The following PRKCE variants were observed in gnomAD, a reference collection of about 807,000 sequenced individuals.
The protein encoded by PRKCE is protein kinase C epsilon type.
PRKCE carries 16 observed loss-of-function variants against 85.4 expected under a neutral mutation model. The ratio of observed to expected loss-of-function variants is 0.19; its 90% confidence interval spans 0.13 to 0.28. The LOEUF (loss-of-function observed/expected upper bound fraction) is 0.28, where lower values mean the gene tolerates loss of function less well. Among genes scored for constraint, PRKCE ranks in the 10% least tolerant of loss-of-function variants. PRKCE has a pLI of 1.00. For missense variants in PRKCE, 573 were observed against 975.2 expected (o/e 0.59, Z 5.49); for synonymous variants, 388 against 371.5 (o/e 1.04, Z -0.51).
chr2:45,758,177 A>T (rs1684167076), intron 1 of PRKCE, among the ~76,000 whole-genome samples: 1 of 152,218 alleles, frequency 6.6e-6, no homozygotes, highest in Non-Finnish European at 1.5e-5. Flanking sequence ...AAAACTGGGC[A>T]ACCTTTGGGT....
intron 13 of PRKCE, among the ~76,000 whole-genome samples, chr2:46,157,527 C>T (rs1677333812): frequency 6.6e-6 from 1 of 152,158 alleles, no homozygotes. Flanking sequence ...ACCCACCCTG[C>T]AAAGAAGTAT....
intron 1 of PRKCE, among the ~76,000 whole-genome samples, chr2:45,711,604 C>T (rs1679643987): frequency 6.6e-6 from 1 of 152,122 alleles, no homozygotes; most frequent in Non-Finnish European, 1.5e-5. Flanking sequence ...TTGGCTATTA[C>T]TTCTATTATG....
At chr2:45,732,233 G>A (rs113240795) in intron 1 of PRKCE, among the ~76,000 whole-genome samples, 2,645 of 152,208 alleles carry the variant, frequency 0.017, 84 homozygotes, top group African/African-American at 0.061. Flanking sequence ...GCTCCATGTC[G>A]GGAGGCTAGG....
In PRKCE at chr2:46,159,429, T is replaced by C. The variant is rs779761182; in HGVS notation, c.1921-177T>C. Among the ~76,000 whole-genome samples, 49 of 152,330 alleles carry C rather than the reference T, an allele frequency of 3.2e-4. No homozygotes were observed. The highest frequency in any genetic ancestry group is 7.9e-4 in the African/African-American group (33 of 41,576). ...CATGTCTAGAATGGTGTCTGGGACA[T>C]AGTCAATTCTATGTAAGAGTTAAAG... On this transcript the variant is annotated intron_variant, in intron 13 of 14. Coordinates refer to ENST00000306156, the MANE Select transcript of PRKCE (RefSeq NM_005400.3). The surrounding 1 kb of genome is among the most constrained non-coding windows in gnomAD (Gnocchi z 4.1).
At chr2:45,811,912 C>T (rs917474453) in intron 1 of PRKCE, among the ~76,000 whole-genome samples, 1 of 152,188 alleles carries the variant, frequency 6.6e-6, no homozygotes, top group African/African-American at 2.4e-5. Context: ...CATGCGTACA[C>T]ACAGACACAC....
chr2:46,114,169 A>G lies in PRKCE; in HGVS notation c.1592+27807A>G, dbSNP rs566513412. On this transcript the variant is annotated intron_variant, in intron 11 of 14. Coordinates refer to ENST00000306156, the MANE Select transcript of PRKCE (RefSeq NM_005400.3). Reference sequence around the variant, plus strand: ...CCTGCGGTTCTTGGCTCTGCTTCACAGCAGTGGTGGGTATGTCGAGAGGCA... The same window carrying G: ...CCTGCGGTTCTTGGCTCTGCTTCACGGCAGTGGTGGGTATGTCGAGAGGCA... Among the ~76,000 whole-genome samples the G allele has an allele frequency of 2.6e-5, 4 of 152,220 alleles. No individual in the cohort carries two copies. In the East Asian group the frequency reaches 7.8e-4, roughly 30 times the overall value.
intron 1 of PRKCE, among the ~76,000 whole-genome samples, chr2:45,730,151 A>G (rs1681441926): frequency 6.6e-6 from 1 of 152,122 alleles, no homozygotes; most frequent in Non-Finnish European, 1.5e-5. Context: ...GGGACAACAG[A>G]GCACAACACT....
intron 1 of PRKCE, among the ~76,000 whole-genome samples, chr2:45,742,305 T>A (rs1301116331): frequency 2.0e-5 from 3 of 152,070 alleles, no homozygotes; most frequent in Admixed American, 6.5e-5. Flanking sequence ...AAAGGTGGCT[T>A]GCACCTATAA....
intron 11 of PRKCE, among the ~76,000 whole-genome samples, chr2:46,124,713 A>C (rs562857756): frequency 1.4e-4 from 22 of 152,300 alleles, no homozygotes; most frequent in African/African-American, 5.3e-4. Flanking sequence ...GACAAACTAC[A>C]AACTCTTTGA....
intron 2 of PRKCE, among the ~76,000 whole-genome samples, chr2:45,974,469 T>A (rs561773724): frequency 2.6e-5 from 4 of 152,282 alleles, no homozygotes; most frequent in African/African-American, 9.6e-5. Context: ...CAAGCAGACC[T>A]CCACCCGGGT....
At chr2:45,662,480 GGT>G (rs1327376052) in intron 1 of PRKCE, among the ~76,000 whole-genome samples, 1 of 152,060 alleles carries the variant, frequency 6.6e-6, no homozygotes, top group Non-Finnish European at 1.5e-5. Flanking sequence ...AGGGGAGTCA[GGT>G]GACTCCTATT....
intron 1 of PRKCE, among the ~76,000 whole-genome samples, chr2:45,821,245 C>G (rs1003813791): frequency 1.2e-4 from 19 of 152,208 alleles, no homozygotes; most frequent in African/African-American, 3.9e-4. Flanking sequence ...AGTTACTTTA[C>G]TCAACATTGA....
At chr2:45,798,984 G>A (rs1433221484) in intron 1 of PRKCE, among the ~76,000 whole-genome samples, 4 of 151,936 alleles carry the variant, frequency 2.6e-5, no homozygotes, top group African/African-American at 9.7e-5. Flanking sequence ...TGGCTAACAT[G>A]GTGAAACCCC....
At position 46,159,953 on chromosome 2, in the gene PRKCE, G is replaced by T; in HGVS notation, c.2067+201G>T. ...TATTGAAAACATGTAACCTACTACA[G>T]CAGCACCCAAGATGATGATTTACGT... On this transcript the variant is annotated intron_variant, in intron 14 of 14. Transcript: ENST00000306156. This position sits in a 1 kb window ranked among gnomAD's most constrained non-coding sequence, Gnocchi z 4.1. 1 of 549,700 alleles carries T rather than the reference G, an allele frequency of 1.8e-6. No individual in the cohort carries two copies. The highest frequency in any genetic ancestry group is 4.2e-5 in the Admixed American group (1 of 23,652). 34.1% of individuals were successfully genotyped at this position (549,700 alleles called of 1,614,324 possible). A position where few individuals can be genotyped will look rare whatever the true frequency, so the allele number is the denominator to read the frequency against.
At chr2:45,700,072 G>T (rs1678495530) in intron 1 of PRKCE, among the ~76,000 whole-genome samples, 1 of 152,036 alleles carries the variant, frequency 6.6e-6, no homozygotes, top group African/African-American at 2.4e-5. Flanking sequence ...GCCACAAGAT[G>T]AACGGGGGCA....
chr2:46,003,760 A>G lies in PRKCE; in HGVS notation c.967-782A>G, dbSNP rs111836580. 3.0e-3 allele frequency among the ~76,000 whole-genome samples: 451 copies of G among 152,360 alleles called. 1 individual carries two copies. Among genetic ancestry groups the G allele is most frequent in the African/African-American group, 0.01 (418 of 41,580 alleles). ...GGGTGAGCTTTGCTTAGAAAGGTCA[A>G]TTGTATTTGGATAGAATTAAAAGTG... On this transcript the variant is annotated intron_variant, in intron 7 of 14. Coordinates refer to ENST00000306156, the MANE Select transcript of PRKCE (RefSeq NM_005400.3).
At chr2:46,107,742 G>A (rs1671866502) in intron 11 of PRKCE, among the ~76,000 whole-genome samples, 1 of 152,156 alleles carries the variant, frequency 6.6e-6, no homozygotes, top group South Asian at 2.1e-4. Context: ...TTCTTGGATT[G>A]TAGTCATTCT....
Position 46,086,357 on chromosome 2 carries a change from C to G in PRKCE, c.1587C>G (p.Ile529Met). Residue 529 changes from isoleucine (I) to methionine (M), a missense_variant, in exon 11 of 15, where the codon ATC (isoleucine) becomes ATG (methionine). Around this residue, in one of 11 missense-constraint regions of PRKCE, gnomAD observed 89 missense variants for 154.1 expected, o/e 0.58. Transcript: ENST00000306156. ...ALMFLHQHGV[I>M]YRDLKLDNIL... The stretch of plus-strand genomic sequence containing the variant: ...TGTTCCTCCACCAGCATGGAGTCAT[C>G]TACAGGTAGCCTCTTCTCTCCTCCT... 6.3e-7 allele frequency: 1 copy of G among 1,598,644 alleles called. No homozygotes were observed. Among genetic ancestry groups the G allele is most frequent in the African/African-American group, 1.3e-5 (1 of 74,988 alleles).
chr2:46,037,986 G>C (rs549700325), intron 10 of PRKCE, among the ~76,000 whole-genome samples: 2 of 152,220 alleles, frequency 1.3e-5, no homozygotes, highest in East Asian at 3.9e-4. Context: ...ACCATCATAG[G>C]GTTGTTTTAA....
Sources: allele counts gnomAD v4.1 joint callset (sites outside exome capture counted in the v4.1 genomes callset), GRCh38; gene constraint gnomAD v4.1.1; regional missense constraint gnomAD v4.1.1; non-coding constraint Gnocchi (gnomAD v3.1); transcripts MANE v1.5; gene names NCBI Gene and HGNC (gene_info 2026-07-23, HGNC 2026-07-21).